SMYD3: variants seen among roughly 807,000 people sequenced by gnomAD.
SMYD3 encodes SET and MYND domain containing 3.
A neutral mutation model predicts 57.7 loss-of-function variants in SMYD3; 36 were observed. That is an observed-to-expected ratio of 0.62 (90% CI 0.48 to 0.82). The LOEUF is 0.82. SMYD3 is among the 40% of genes least tolerant of loss of function. The pLI, the probability that SMYD3 is intolerant of heterozygous loss-of-function variation, is 0.00. For missense variants in SMYD3, 515 were observed against 538.8 expected, an observed-to-expected ratio of 0.96 and a Z score of 0.44; for synonymous variants, 211 against 195.0, an observed-to-expected ratio of 1.08 and a Z score of -0.68.
intron 10 of SMYD3, among the ~76,000 whole-genome samples, chr1:245,856,649 G>A (rs150256570): frequency 2.8e-4 from 43 of 152,284 alleles, no homozygotes; most frequent in Non-Finnish European, 5.0e-4. Context: ...TGCAAAATAC[G>A]TGCAGAACAG....
At chr1:246,361,827 T>C (rs2065992674) in intron 1 of SMYD3, among the ~76,000 whole-genome samples, 1 of 152,098 alleles carries the variant, frequency 6.6e-6, no homozygotes. Context: ...GATAAAAGAC[T>C]ACACATTGGG....
chr1:245,928,592 T>C (rs544499276), intron 6 of SMYD3, among the ~76,000 whole-genome samples: 1 of 152,132 alleles, frequency 6.6e-6, no homozygotes, highest in Admixed American at 6.5e-5. Flanking sequence ...GAGAATCGCT[T>C]GAACCCAGGA....
At chr1:245,883,150 A>G (rs1298669642) in intron 8 of SMYD3, among the ~76,000 whole-genome samples, 1 of 152,238 alleles carries the variant, frequency 6.6e-6, no homozygotes, top group Non-Finnish European at 1.5e-5. Context: ...TTGAAGCTCT[A>G]TTAATACTAA....
At chr1:246,382,187 A>C (rs2066398961) in intron 1 of SMYD3, among the ~76,000 whole-genome samples, 1 of 150,754 alleles carries the variant, frequency 6.6e-6, no homozygotes, top group Non-Finnish European at 1.5e-5. Flanking sequence ...TCCAGCTGAC[A>C]CCTATGGGAT....
intron 1 of SMYD3, among the ~76,000 whole-genome samples, chr1:246,481,772 G>A (rs1291075034): frequency 7.3e-6 from 1 of 137,550 alleles, no homozygotes; most frequent in African/African-American, 3.1e-5. Flanking sequence ...ATCCATAGAA[G>A]ATATATATAT....
At position 246,029,342 on chromosome 1, in the gene SMYD3, A is replaced by G. The variant is rs949688761; in HGVS notation, c.532-99405T>C. On this transcript the variant is annotated intron_variant, in intron 5 of 11. Coordinates refer to ENST00000490107, the MANE Select transcript of SMYD3 (RefSeq NM_001167740.2). Reference sequence around the variant, plus strand: ...AATATCCAAAATATAATCCAGTTAAAAAGTGGGCAAATGATATGAATAGAA... The same window carrying G: ...AATATCCAAAATATAATCCAGTTAAGAAGTGGGCAAATGATATGAATAGAA... 2.0e-5 allele frequency among the ~76,000 whole-genome samples: 3 copies of G among 152,330 alleles called. No individual in the cohort carries two copies. In the South Asian group the frequency reaches 6.2e-4, roughly 32 times the overall value.
chr1:245,915,667 C>T, intron 7 of SMYD3, 27 bp from the exon 8 acceptor site: 1 of 1,367,536 alleles, frequency 7.3e-7, no homozygotes, highest in Non-Finnish European at 1.0e-6. Flanking sequence ...GAGGGAAGCG[C>T]TGAAACATCT....
At chr1:246,032,454 C>T (rs912261793) in intron 5 of SMYD3, among the ~76,000 whole-genome samples, 7 of 152,198 alleles carry the variant, frequency 4.6e-5, no homozygotes, top group African/African-American at 9.6e-5. Context: ...GCTGCCTGCC[C>T]TAGCACTGAA....
chr1:246,412,061 T>C (rs532345498), intron 1 of SMYD3, among the ~76,000 whole-genome samples: 1 of 151,812 alleles, frequency 6.6e-6, no homozygotes, highest in Admixed American at 6.6e-5. Context: ...GCCAACTTGC[T>C]TTGCGTTAAC....
At chr1:246,443,940 GC>G (rs2067509144) in intron 1 of SMYD3, among the ~76,000 whole-genome samples, 1 of 144,826 alleles carries the variant, frequency 6.9e-6, no homozygotes, top group African/African-American at 2.9e-5. Context: ...GTGCTAATCT[GC>G]CTTCCCTATA....
intron 1 of SMYD3, among the ~76,000 whole-genome samples, chr1:246,418,709 C>T (rs938566115): frequency 6.6e-6 from 1 of 152,072 alleles, no homozygotes; most frequent in African/African-American, 2.4e-5. Context: ...GTCGGGCGCT[C>T]GGTGACCTGG....
chr1:246,026,700 C>T (rs7524284), intron 5 of SMYD3, among the ~76,000 whole-genome samples: 13,421 of 152,232 alleles, frequency 0.088, 1,750 homozygotes, highest in African/African-American at 0.28. Context: ...GCTTCACCAA[C>T]TTCATTCCTG....
chr1:246,400,091 A>C lies in SMYD3; in HGVS notation c.165-44997T>G, dbSNP rs367773313. On this transcript the variant is annotated intron_variant, in intron 1 of 11. Transcript: ENST00000490107. The stretch of plus-strand genomic sequence containing the variant: ...AAAGAAAAAAAAAGGTAAAGATCAA[A>C]AGTTATATATTTCAGATATATAATC... Among the ~76,000 whole-genome samples, 22 of 152,330 alleles carry C rather than the reference A, an allele frequency of 1.4e-4. No homozygotes were observed. The East Asian group carries it at 1.6e-3, about 11-fold the overall frequency.
At chr1:246,435,207 T>C (rs1246962295) in intron 1 of SMYD3, among the ~76,000 whole-genome samples, 1 of 152,140 alleles carries the variant, frequency 6.6e-6, no homozygotes, top group Non-Finnish European at 1.5e-5. Flanking sequence ...AATTATTGGG[T>C]ACTATGCTCA....
chr1:245,821,242 A>C lies in SMYD3; in HGVS notation c.1076+37254T>G, dbSNP rs372494937. On this transcript the variant is annotated intron_variant, in intron 10 of 11. Coordinates refer to ENST00000490107, the MANE Select transcript of SMYD3 (RefSeq NM_001167740.2). ...GAACAGAGTCCTCAGAAATAACGCCACATATCTACAACTATCTGATCTTTG... is the reference window on the plus strand; with the variant it reads ...GAACAGAGTCCTCAGAAATAACGCCCCATATCTACAACTATCTGATCTTTG... Among the ~76,000 whole-genome samples, 16 of 146,386 alleles carry C rather than the reference A, an allele frequency of 1.1e-4. 1 individual carries two copies. Among genetic ancestry groups the C allele is most frequent in the Non-Finnish European group, 2.3e-4 (15 of 66,162 alleles).
At chr1:246,486,587 C>A (rs2068191297) in intron 1 of SMYD3, among the ~76,000 whole-genome samples, 1 of 152,022 alleles carries the variant, frequency 6.6e-6, no homozygotes, top group Non-Finnish European at 1.5e-5. Flanking sequence ...GAATTATAAC[C>A]CCATTTCATT....
intron 8 of SMYD3, among the ~76,000 whole-genome samples, chr1:245,904,241 G>A (rs2054396819): frequency 6.6e-6 from 1 of 152,186 alleles, no homozygotes; most frequent in East Asian, 1.9e-4. Context: ...TTTATAAGGT[G>A]CTCTTCCTGC....
chr1:246,300,837 A>G (rs1016760214), intron 5 of SMYD3, among the ~76,000 whole-genome samples: 1 of 152,182 alleles, frequency 6.6e-6, no homozygotes, highest in Non-Finnish European at 1.5e-5. Flanking sequence ...CTCAAAGCAC[A>G]TCAAGTTTGC....
chr1:246,480,000 C>T (rs565104847), intron 1 of SMYD3, among the ~76,000 whole-genome samples: 17 of 152,300 alleles, frequency 1.1e-4, no homozygotes, highest in African/African-American at 3.6e-4. Flanking sequence ...TCAGAAACTA[C>T]TCCCCCGACC....
Sources: allele counts gnomAD v4.1 joint callset (sites outside exome capture counted in the v4.1 genomes callset), GRCh38; gene constraint gnomAD v4.1.1; transcripts MANE v1.5; gene names NCBI Gene and HGNC (gene_info 2026-07-23, HGNC 2026-07-21).